Variants in ARFGEF2 observed in about 807,000 individuals in gnomAD.
The protein encoded by ARFGEF2 is ARF guanine nucleotide exchange factor 2.
A neutral mutation model predicts 219.9 loss-of-function variants in ARFGEF2; 74 were observed. That is an observed-to-expected ratio of 0.34 (90% CI 0.28 to 0.41). The LOEUF is 0.41. ARFGEF2 is among the 10% of genes least tolerant of loss of function. ARFGEF2 has a pLI of 1.00. For missense variants in ARFGEF2, 1,743 were observed against 2,218.3 expected (o/e 0.79, Z 4.30); for synonymous variants, 733 against 799.2 (o/e 0.92, Z 1.40).
chr20:49,025,461 G>A lies in ARFGEF2; in HGVS notation c.4904G>A (p.Arg1635Gln), dbSNP rs771896640. Residue 1635 changes from arginine (R) to glutamine (Q), a missense_variant, in exon 36 of 39, where the codon CGG (arginine) becomes CAG (glutamine). By Grantham distance (43) the Arg-to-Gln change is conservative. Coordinates refer to ENST00000371917, the MANE Select transcript of ARFGEF2 (RefSeq NM_006420.3). The part of the protein sequence containing the change: ...SKAFNSNYEQ[R>Q]TVLWRAGFKG... ...GCCTTCAACTCCAATTACGAGCAGC[G>A]GACTGTCCTGTGGCGAGCAGGTAAG... 15 of 1,613,954 alleles carry A rather than the reference G, an allele frequency of 9.3e-6. No homozygotes were observed. The highest frequency in any genetic ancestry group is 2.2e-5 in the South Asian group (2 of 91,070).
rs2091547014 is a variant in ARFGEF2, at chr20:49,018,909, T to C, written c.4535T>C (p.Leu1512Ser). 6.2e-7 allele frequency: 1 copy of C among 1,613,902 alleles called. No individual in the cohort carries two copies. Among genetic ancestry groups the C allele is most frequent in the Admixed American group, 1.7e-5 (1 of 59,990 alleles). ...HLDVDLDRQS[L>S]SSIDKNPSER... ...GATGTGGATCTGGACCGCCAGTCTT[T>C]AAGCAGCATAGATAAAAATCCCTCT... is the stretch of plus-strand genomic sequence containing the variant. Residue 1512 changes from leucine (L) to serine (S), a missense_variant, in exon 34 of 39, where the codon TTA becomes TCA. Physicochemically the swap from Leu to Ser is moderately radical, Grantham distance 145. Transcript: ENST00000371917.
chr20:48,947,037 C>T (rs2091033279), intron 3 of ARFGEF2, among the ~76,000 whole-genome samples: 1 of 152,074 alleles, frequency 6.6e-6, no homozygotes, highest in Non-Finnish European at 1.5e-5. Context: ...GAACTCCTGG[C>T]CTCAAGTGAA....
chr20:49,017,204 A>T (rs770727539), intron 31 of ARFGEF2, 45 bp from the exon 32 acceptor site: 1 of 1,606,614 alleles, frequency 6.2e-7, no homozygotes, highest in Non-Finnish European at 8.5e-7. Context: ...GTTGGCATCA[A>T]AATAGCAGTA....
chr20:49,006,608 G>T (rs1438661547), intron 26 of ARFGEF2, among the ~76,000 whole-genome samples: 1 of 152,198 alleles, frequency 6.6e-6, no homozygotes, highest in Non-Finnish European at 1.5e-5. Flanking sequence ...CTTAGGAAAA[G>T]GCCTGAAGGA....
At position 48,973,173 on chromosome 20, in the gene ARFGEF2, C is replaced by G. The variant is rs2091238794; in HGVS notation, c.1554C>G (p.Val518=). 1.2e-6 allele frequency: 2 copies of G among 1,614,124 alleles called. No homozygotes were observed. Among genetic ancestry groups the G allele is most frequent in the East Asian group, 4.5e-5 (2 of 44,870 alleles). Residue 518 remains valine, a synonymous_variant, in exon 12 of 39, where the codon GTC becomes GTG. Coordinates refer to ENST00000371917, the MANE Select transcript of ARFGEF2 (RefSeq NM_006420.3). ...CCCAGTGTGTTGTGGATATTTATGT[C>G]AACTACGACTGTGATTTAAATGCTG... is the stretch of plus-strand genomic sequence containing the variant. The part of the protein sequence containing the change: ...ADAQCVVDIY[V]NYDCDLNAAN...
chr20:48,952,681 G>A (rs771206858), intron 4 of ARFGEF2, 24 bp from the exon 5 acceptor site: 22 of 1,613,780 alleles, frequency 1.4e-5, no homozygotes, highest in Non-Finnish European at 1.9e-5. Flanking sequence ...TCCTGATGGT[G>A]AAGGTCGCGG....
chr20:48,966,006 T>A lies in ARFGEF2; in HGVS notation c.1042T>A (p.Ser348Thr), dbSNP rs373673423. The change falls in exon 8 of 39, where the codon TCG (serine) becomes ACG (threonine). Residue 348 changes from serine (S) to threonine (T), a missense_variant. Ser to Thr is a moderately conservative substitution (Grantham distance 58, BLOSUM62 1). This residue lies in a region of ARFGEF2 where 394 missense variants were observed against 426.6 expected (regional missense o/e 0.92). Coordinates refer to ENST00000371917, the MANE Select transcript of ARFGEF2 (RefSeq NM_006420.3). The part of the protein sequence containing the change: ...NGIADDRQSL[S>T]SADNLESDAQ... ...GATAGCCGATGACAGGCAGTCCTTG[T>A]CGTCAGCAGATAATCTGGTATGTTG... 4.5e-5 allele frequency: 72 copies of A among 1,614,010 alleles called. No individual in the cohort carries two copies. The highest frequency in any genetic ancestry group is 6.0e-5 in the Non-Finnish European group (71 of 1,179,960).
At position 48,984,785 on chromosome 20, in the gene ARFGEF2, G is replaced by C; in HGVS notation, c.2015G>C (p.Gly672Ala). ...TTTCTCCAGGAGCAGGGCATGCTGG[G>C]AACGTCAGTTGAAGACATAGCCCAA... ...IQFLQEQGML[G>A]TSVEDIAQFL... The change falls in exon 15 of 39, where the codon GGA becomes GCA. Residue 672 changes from glycine to alanine, a missense_variant. Gly to Ala is a moderately conservative substitution (Grantham distance 60). Around this residue, in one of 5 missense-constraint regions of ARFGEF2, gnomAD observed 666 missense variants for 955.4 expected, o/e 0.70. Coordinates refer to ENST00000371917, the MANE Select transcript of ARFGEF2 (RefSeq NM_006420.3). The C allele has an allele frequency of 6.2e-7, 1 of 1,613,574 alleles. No homozygotes were observed. Among genetic ancestry groups the C allele is most frequent in the East Asian group, 2.2e-5 (1 of 44,864 alleles).
chr20:48,941,209 A>G lies in ARFGEF2; in HGVS notation c.132A>G (p.Lys44=). The G allele has an allele frequency of 6.2e-7, 1 of 1,613,494 alleles. No individual in the cohort carries two copies. Among genetic ancestry groups the G allele is most frequent in the Non-Finnish European group, 8.5e-7 (1 of 1,179,630 alleles). The change falls in exon 2 of 39, where the codon AAA becomes AAG. Residue 44 remains lysine (K), a synonymous_variant. Coordinates refer to ENST00000371917, the MANE Select transcript of ARFGEF2 (RefSeq NM_006420.3). ...RACQVALDEI[K]AEIEKQRLGT... is the part of the protein sequence containing the mutation. ...TTCCTTCCTTACCAGATGAAATTAA[A>G]GCAGAAATAGAAAAGCAGAGGTAAG...
At chr20:48,922,105 C>T (rs1389702616) in intron 1 of ARFGEF2, 95 bp downstream of exon 1, 27 of 1,484,336 alleles carry the variant, frequency 1.8e-5, no homozygotes, top group Non-Finnish European at 2.4e-5. Flanking sequence ...CTGGCCTCCG[C>T]TTCCCCCCGA....
intron 37 of ARFGEF2, among the ~76,000 whole-genome samples, chr20:49,029,316 G>A (rs977061668): frequency 8.5e-5 from 13 of 152,170 alleles, no homozygotes; most frequent in Admixed American, 1.3e-4. Context: ...ACTCTCCTGC[G>A]TAGCTAGTTG....
At chr20:48,995,676 C>A in intron 22 of ARFGEF2, 107 bp from the exon 23 acceptor site, 1 of 986,550 alleles carries the variant, frequency 1.0e-6, no homozygotes, top group South Asian at 1.3e-5. Context: ...CTTGCAGAGT[C>A]ATTCCCATTT....
At position 48,982,996 on chromosome 20, in the gene ARFGEF2, G is replaced by C. The variant is rs578198559; in HGVS notation, c.1959-1733G>C. On this transcript the variant is annotated intron_variant, in intron 14 of 38. Transcript: ENST00000371917. ...CCCTGCTTCAGCTCACCCTACGTGG[G>C]CTGCACCCACTGTCCAACCAGTCCC... Among the ~76,000 whole-genome samples the C allele has an allele frequency of 9.8e-5, 15 of 152,294 alleles. No individual in the cohort carries two copies. The South Asian group carries it at 3.1e-3, about 32-fold the overall frequency.
chr20:48,993,839 G>A (rs1282801359), intron 21 of ARFGEF2, among the ~76,000 whole-genome samples: 7 of 152,180 alleles, frequency 4.6e-5, no homozygotes, highest in African/African-American at 1.2e-4. Flanking sequence ...ACCAATTAAC[G>A]ATTGCCAACA....
chr20:48,971,673 G>A (rs1211134960), intron 10 of ARFGEF2, among the ~76,000 whole-genome samples: 3 of 152,138 alleles, frequency 2.0e-5, no homozygotes, highest in African/African-American at 4.8e-5. Context: ...AAGCTGAGGC[G>A]GGCGGATCAT....
chr20:48,964,460 C>T (rs2091175810), intron 7 of ARFGEF2, among the ~76,000 whole-genome samples: 1 of 152,172 alleles, frequency 6.6e-6, no homozygotes, highest in African/African-American at 2.4e-5. Flanking sequence ...CATAGAGATG[C>T]CAAGGGCCAT....
chr20:48,989,248 G>A (rs2091343632), intron 18 of ARFGEF2, 37 bp from the exon 19 acceptor site: 4 of 1,613,350 alleles, frequency 2.5e-6, no homozygotes, highest in Non-Finnish European at 2.5e-6. Flanking sequence ...AGCCCTCAGT[G>A]ACTGCTAGCC....
At chr20:49,004,367 T>C (rs1283798417) in intron 25 of ARFGEF2, among the ~76,000 whole-genome samples, 2 of 151,992 alleles carry the variant, frequency 1.3e-5, no homozygotes, top group Non-Finnish European at 2.9e-5. Context: ...GAGTTCTGAT[T>C]GGCTTCACAA....
intron 35 of ARFGEF2, 91 bp from the exon 36 acceptor site, chr20:49,025,222 G>T: frequency 7.4e-7 from 1 of 1,349,766 alleles, no homozygotes; most frequent in Non-Finnish European, 1.0e-6. Context: ...GATGACTTTT[G>T]GAGAGTCATG....
Sources: gnomAD v4.1 joint callset for allele counts (sites outside exome capture counted in the v4.1 genomes callset) on GRCh38, gnomAD v4.1.1 for gene constraint, gnomAD v4.1.1 regional missense constraint, MANE v1.5 for transcripts, NCBI Gene and HGNC (gene_info 2026-07-23, HGNC 2026-07-21) for gene names.